GABRB2: variants seen among roughly 807,000 people sequenced by gnomAD.
The protein encoded by GABRB2 is gamma-aminobutyric acid type A receptor subunit beta2.
In GABRB2, 16 loss-of-function variants were observed where a neutral mutation model predicts 54.7. The observed-to-expected ratio is 0.29, with a 90% confidence interval of 0.20 to 0.44. The LOEUF (loss-of-function observed/expected upper bound fraction) is 0.44, where lower values mean the gene tolerates loss of function less well. Among genes scored for constraint, GABRB2 ranks in the 20% least tolerant of loss-of-function variants. The pLI is 1.00. For synonymous variants in GABRB2, 244 were observed against 233.8 expected (o/e 1.04, Z -0.40); for missense variants, 355 against 644.0 (o/e 0.55, Z 4.86).
At chr5:161,478,738 T>C (rs1758668013) in intron 3 of GABRB2, among the ~76,000 whole-genome samples, 1 of 152,064 alleles carries the variant, frequency 6.6e-6, no homozygotes, top group South Asian at 2.1e-4. Context: ...ATATGCCTTA[T>C]TTATGCATAC....
chr5:161,348,249 T>C (rs190184707), intron 5 of GABRB2, among the ~76,000 whole-genome samples: 1 of 152,122 alleles, frequency 6.6e-6, no homozygotes, highest in East Asian at 1.9e-4. Flanking sequence ...AAAAATATCA[T>C]TAATTAATTG....
intron 3 of GABRB2, among the ~76,000 whole-genome samples, chr5:161,496,597 T>A (rs529103458): frequency 6.6e-6 from 1 of 152,004 alleles, no homozygotes; most frequent in South Asian, 2.1e-4. Context: ...AAATAACCAC[T>A]GTTAGTGGCT....
At chr5:161,544,605 T>C (rs187752093) in intron 3 of GABRB2, among the ~76,000 whole-genome samples, 1 of 152,268 alleles carries the variant, frequency 6.6e-6, no homozygotes, top group Non-Finnish European at 1.5e-5. Context: ...GGACATGTGG[T>C]GAATGAATTG....
At chr5:161,383,330 A>G (rs1400766826) in intron 5 of GABRB2, among the ~76,000 whole-genome samples, 1 of 151,204 alleles carries the variant, frequency 6.6e-6, no homozygotes, top group East Asian at 1.9e-4. Context: ...ACTTTTTATG[A>G]TTCTACATAT....
intron 3 of GABRB2, among the ~76,000 whole-genome samples, chr5:161,517,873 T>C (rs1383018097): frequency 1.3e-5 from 2 of 151,946 alleles, no homozygotes; most frequent in African/African-American, 2.4e-5. Flanking sequence ...CTCAGCTCAC[T>C]GCAAGCTCTG....
At chr5:161,476,680 C>T (rs940254730) in intron 3 of GABRB2, among the ~76,000 whole-genome samples, 2 of 151,708 alleles carry the variant, frequency 1.3e-5, no homozygotes, top group African/African-American at 4.8e-5. Flanking sequence ...GCCAAGACTA[C>T]CCAATAAAGA....
rs181509486 is a variant in GABRB2, at chr5:161,297,303, A to T, written c.1192-2875T>A. ...CTTATTTTAATTTTTATTATTTTAC[A>T]TTAAGTTCTGGGACACATGTGCAGA... On this transcript the variant is annotated intron_variant, in intron 9 of 9. Transcript: ENST00000393959. Among the ~76,000 whole-genome samples the T allele has an allele frequency of 3.7e-4, 57 of 152,242 alleles. 1 individual carries two copies. The highest frequency in any genetic ancestry group is 2.9e-4 in the Non-Finnish European group (20 of 68,000).
chr5:161,380,903 G>C (rs1755446998), intron 5 of GABRB2, among the ~76,000 whole-genome samples: 6 of 152,174 alleles, frequency 3.9e-5, no homozygotes, highest in Admixed American at 3.9e-4. Context: ...GGGTGAGTAG[G>C]AGGGGTTTAA....
intron 3 of GABRB2, among the ~76,000 whole-genome samples, chr5:161,484,636 G>A (rs1758863372): frequency 6.6e-6 from 1 of 151,878 alleles, no homozygotes; most frequent in Non-Finnish European, 1.5e-5. Flanking sequence ...AAAACATAAA[G>A]GGACATCCAA....
At chr5:161,483,243 G>A (rs1275191421) in intron 3 of GABRB2, among the ~76,000 whole-genome samples, 8 of 151,902 alleles carry the variant, frequency 5.3e-5, no homozygotes, top group South Asian at 4.2e-4. Context: ...TATAATTGAC[G>A]TCTCTGTGTT....
At chr5:161,340,890 A>G (rs1754137523) in intron 5 of GABRB2, among the ~76,000 whole-genome samples, 1 of 152,054 alleles carries the variant, frequency 6.6e-6, no homozygotes, top group South Asian at 2.1e-4. Flanking sequence ...ATTGCTAATA[A>G]GAAGTTTCAA....
intron 5 of GABRB2, among the ~76,000 whole-genome samples, chr5:161,341,793 T>C (rs1350417280): frequency 2.0e-5 from 3 of 150,636 alleles, no homozygotes; most frequent in Admixed American, 6.6e-5. Context: ...TCAATCTATA[T>C]ATTTTGTTAT....
intron 3 of GABRB2, among the ~76,000 whole-genome samples, chr5:161,505,105 T>C (rs956416442): frequency 6.6e-6 from 1 of 150,784 alleles, no homozygotes. Flanking sequence ...TCTTTTTTCC[T>C]TTTCTTTTTT....
chr5:161,341,441 A>T (rs1364159020), intron 5 of GABRB2, among the ~76,000 whole-genome samples: 2 of 151,938 alleles, frequency 1.3e-5, no homozygotes, highest in South Asian at 2.1e-4. Context: ...TTGTATTGTT[A>T]TATCATCAAA....
chr5:161,402,167 TTAAAA>T (rs950529026), intron 5 of GABRB2, among the ~76,000 whole-genome samples: 4 of 151,858 alleles, frequency 2.6e-5, no homozygotes, highest in South Asian at 4.1e-4. Flanking sequence ...ATTATAACAC[TTAAAA>T]TAGAAACACG....
At chr5:161,405,820 T>C (rs1355167003) in intron 5 of GABRB2, among the ~76,000 whole-genome samples, 2 of 152,046 alleles carry the variant, frequency 1.3e-5, no homozygotes, top group Non-Finnish European at 1.5e-5. Context: ...CCTCAAATGC[T>C]TCAATATATC....
intron 5 of GABRB2, among the ~76,000 whole-genome samples, chr5:161,363,338 T>C (rs1754874002): frequency 6.6e-6 from 1 of 151,336 alleles, no homozygotes; most frequent in South Asian, 2.1e-4. Context: ...TGAGGACACA[T>C]GGAGATAGGG....
At chr5:161,324,195 T>C (rs959883847) in intron 9 of GABRB2, among the ~76,000 whole-genome samples, 6 of 152,294 alleles carry the variant, frequency 3.9e-5, no homozygotes, top group Admixed American at 1.3e-4. Flanking sequence ...GAGTAGAATA[T>C]GATTTTTATA....
chr5:161,334,407 G>A (rs921089751), intron 7 of GABRB2, among the ~76,000 whole-genome samples: 2 of 152,132 alleles, frequency 1.3e-5, no homozygotes, highest in African/African-American at 2.4e-5. Context: ...AGAAAAAAAC[G>A]TAGAAGGGAG....
Sources: allele counts gnomAD v4.1 joint callset (sites outside exome capture counted in the v4.1 genomes callset), GRCh38; gene constraint gnomAD v4.1.1; transcripts MANE v1.5; gene names NCBI Gene and HGNC (gene_info 2026-07-23, HGNC 2026-07-21).